BCAM: variants seen among roughly 807,000 people sequenced by gnomAD.
BCAM encodes the protein basal cell adhesion molecule.
In BCAM, 61 loss-of-function variants were observed where a neutral mutation model predicts 72.4. The observed-to-expected ratio is 0.84, with a 90% CI of 0.69 to 1.04. BCAM has a LOEUF of 1.04. Ranked by LOEUF, BCAM falls within the 50% of genes least tolerant of loss-of-function variation. The probability of loss-of-function intolerance (pLI) is 0.00; values close to 1 mark genes in which losing one functional copy is unlikely to be tolerated. For synonymous variants in BCAM, 408 were observed against 384.2 expected (o/e 1.06, Z -0.73); for missense variants, 909 against 895.0 (o/e 1.02, Z -0.20).
At position 44,813,281 on chromosome 19, in the gene BCAM, C is replaced by A; in HGVS notation, c.536C>A (p.Pro179Gln). ...ACCTGCAACAGCCGGAACGGGAACC[C>A]GGCCCCCAAGATCACGTGGTATCGC... Reference protein sequence around the residue: ...IATCNSRNGNPAPKITWYRNG... With the variant: ...IATCNSRNGNQAPKITWYRNG... Residue 179 changes from proline (P) to glutamine (Q), a missense_variant, in exon 5 of 15, where the codon CCG becomes CAG. Coordinates refer to ENST00000270233, the MANE Select transcript of BCAM (RefSeq NM_005581.5). The surrounding 1 kb of genome is among the most constrained non-coding windows in gnomAD (Gnocchi z 4.2). 6.2e-7 allele frequency: 1 copy of A among 1,614,122 alleles called. No homozygotes were observed. Among genetic ancestry groups the A allele is most frequent in the Non-Finnish European group, 8.5e-7 (1 of 1,180,016 alleles).
rs1427461493 is a variant in BCAM at position 44,813,205 on chromosome 19, A to G, written c.505-45A>G. On this transcript the variant is annotated intron_variant, in intron 4 of 14. Transcript: ENST00000270233. The surrounding 1 kb of genome is among the most constrained non-coding windows in gnomAD (Gnocchi z 4.2). ...CTCCTGAGAGAGGAGCCCCGACTTCAGAGTCCCAGCTCCAAGCCCAGGGCC... is the reference window on the plus strand; with the variant it reads ...CTCCTGAGAGAGGAGCCCCGACTTCGGAGTCCCAGCTCCAAGCCCAGGGCC... The G allele has an allele frequency of 3.8e-6, 6 of 1,599,468 alleles. No individual in the cohort carries two copies. Among genetic ancestry groups the G allele is most frequent in the Non-Finnish European group, 5.1e-6 (6 of 1,169,964 alleles).
chr19:44,818,610 G>A lies in BCAM; in HGVS notation c.1167G>A (p.Leu389=), dbSNP rs767791090. ...TCGTGAACTGCTCCGTGCACGGCCT[G>A]CCCACCCCTGCCCTACGCTGGACCA... ...SAVVNCSVHG[L]PTPALRWTKD... The change falls in exon 9 of 15, where the codon CTG becomes CTA. Residue 389 remains leucine, a synonymous_variant. Coordinates refer to ENST00000270233, the MANE Select transcript of BCAM (RefSeq NM_005581.5). The surrounding 1 kb of genome is among the most constrained non-coding windows in gnomAD (Gnocchi z 4.6). 1.9e-6 allele frequency: 3 copies of A among 1,613,914 alleles called. No individual in the cohort carries two copies. Among genetic ancestry groups the A allele is most frequent in the Non-Finnish European group, 1.7e-6 (2 of 1,179,900 alleles).
At chr19:44,815,713 G>A (rs1968495790) in intron 8 of BCAM, among the ~76,000 whole-genome samples, 1 of 152,096 alleles carries the variant, frequency 6.6e-6, no homozygotes, top group Non-Finnish European at 1.5e-5. Flanking sequence ...GAAGTCTAAG[G>A]AAGGTCTCAG....
At chr19:44,819,303 C>T in intron 11 of BCAM, 43 bp from the exon 12 acceptor site, 1 of 1,613,032 alleles carries the variant, frequency 6.2e-7, no homozygotes, top group South Asian at 1.1e-5. Context: ...CTTGACCCCA[C>T]CCCTTGACCC....
In BCAM at chr19:44,814,212, G is replaced by A. The variant is rs9967601; in HGVS notation, c.845G>A (p.Arg282His). ...CCGTCCACCCCAGCAGGCTGGGTACGCGAGGGTGACACTGTCCAGCTGCTC... is the reference window on the plus strand; with the variant it reads ...CCGTCCACCCCAGCAGGCTGGGTACACGAGGGTGACACTGTCCAGCTGCTC... Reference protein sequence around the residue: ...GSPSTPAGWVREGDTVQLLCR... With the variant: ...GSPSTPAGWVHEGDTVQLLCR... Residue 282 changes from arginine to histidine, a missense_variant, in exon 7 of 15, where the codon CGC (arginine) becomes CAC (histidine). By Grantham distance (29) the Arg-to-His change is conservative (BLOSUM62 0). Transcript: ENST00000270233. The surrounding 1 kb of genome is among the most constrained non-coding windows in gnomAD (Gnocchi z 4.6). 1,049 of 1,585,780 alleles carry A rather than the reference G, an allele frequency of 6.6e-4. 12 individuals are homozygous for A. In the African/African-American group the frequency reaches 0.012, roughly 19 times the overall value.
In BCAM at chr19:44,813,524, G is replaced by T; in HGVS notation, c.688G>T (p.Asp230Tyr). Reference sequence around the variant, plus strand: ...CCTCTACCTGCGGCTCCGCAAGGATGACCGAGACGCCAGCTTCCACTGCGC... The same window carrying T: ...CCTCTACCTGCGGCTCCGCAAGGATTACCGAGACGCCAGCTTCCACTGCGC... ...STLYLRLRKD[D>Y]RDASFHCAAH... Residue 230 changes from aspartate to tyrosine, a missense_variant, in exon 6 of 15, where the codon GAC becomes TAC. Physicochemically the swap from Asp to Tyr is radical, Grantham distance 160. Transcript: ENST00000270233. This position sits in a 1 kb window ranked among gnomAD's most constrained non-coding sequence, Gnocchi z 4.2. 1 of 1,612,650 alleles carries T rather than the reference G, an allele frequency of 6.2e-7. No individual in the cohort carries two copies.
chr19:44,821,234 G>A lies in BCAM; in HGVS notation c.*313G>A, dbSNP rs1202377309. On this transcript the variant is annotated 3_prime_UTR_variant, in exon 15 of 15. Coordinates refer to ENST00000270233, the MANE Select transcript of BCAM (RefSeq NM_005581.5). The stretch of plus-strand genomic sequence containing the variant: ...CAAGGCTCCGAGGGTCGGCTGGCCG[G>A]AGCTATTTTTACCTCCCGCCTCCCC... 5.6e-6 allele frequency: 2 copies of A among 355,162 alleles called. No homozygotes were observed. The highest frequency in any genetic ancestry group is 1.0e-5 in the Non-Finnish European group (2 of 197,452). 22.0% of individuals were successfully genotyped at this position (355,162 alleles called of 1,614,324 possible).
chr19:44,811,997 T>C, intron 2 of BCAM, 166 bp from the exon 3 acceptor site: 4 of 668,934 alleles, frequency 6.0e-6, no homozygotes, highest in East Asian at 5.7e-5. Flanking sequence ...CAAGAACTGA[T>C]AGGGAATGGG....
intron 2 of BCAM, 128 bp downstream of exon 2, chr19:44,811,474 G>A: frequency 6.8e-7 from 1 of 1,476,210 alleles, no homozygotes; most frequent in Non-Finnish European, 9.2e-7. Context: ...TGGGGTCACT[G>A]AGTCCCACTG....
chr19:44,809,158 G>C lies in BCAM; in HGVS notation c.34G>C (p.Gly12Arg). 2 of 1,472,566 alleles carry C rather than the reference G, an allele frequency of 1.4e-6. No individual in the cohort carries two copies. The highest frequency in any genetic ancestry group is 1.8e-6 in the Non-Finnish European group (2 of 1,115,110). 91.2% of individuals were successfully genotyped at this position (1,472,566 alleles called of 1,614,324 possible). A position where few individuals can be genotyped will look rare whatever the true frequency, so the allele number is the denominator to read the frequency against. The change falls in exon 1 of 15, where the codon GGG becomes CGG. Residue 12 changes from glycine to arginine, a missense_variant. Gly to Arg is a moderately radical substitution (Grantham distance 125). Coordinates refer to ENST00000270233, the MANE Select transcript of BCAM (RefSeq NM_005581.5). ...EPPDAPAQAR[G>R]APRLLLLAVL... ...CCCGGACGCACCGGCCCAGGCGCGCGGGGCCCCGCGGCTGCTGTTGCTCGC... is the reference window on the plus strand; with the variant it reads ...CCCGGACGCACCGGCCCAGGCGCGCCGGGCCCCGCGGCTGCTGTTGCTCGC...
At position 44,813,597 on chromosome 19, in the gene BCAM, C is replaced by T; in HGVS notation, c.761C>T (p.Pro254Leu). Residue 254 changes from proline (P) to leucine (L), a missense_variant, in exon 6 of 15, where the codon CCC (proline) becomes CTC (leucine). Coordinates refer to ENST00000270233, the MANE Select transcript of BCAM (RefSeq NM_005581.5). This position sits in a 1 kb window ranked among gnomAD's most constrained non-coding sequence, Gnocchi z 4.2. ...PEGRHGRLDSPTFHLTLHYPT... is the reference protein window; with the variant it reads ...PEGRHGRLDSLTFHLTLHYPT... Reference sequence around the variant, plus strand: ...GGCCGCCACGGCCGCCTGGACAGCCCCACCTTCCACCTCACCCTGCACTGT... The same window carrying T: ...GGCCGCCACGGCCGCCTGGACAGCCTCACCTTCCACCTCACCCTGCACTGT... 1 of 1,612,460 alleles carries T rather than the reference C, an allele frequency of 6.2e-7. No homozygotes were observed. Among genetic ancestry groups the T allele is most frequent in the Non-Finnish European group, 8.5e-7 (1 of 1,179,832 alleles).
rs1213874880 is a variant in BCAM, at chr19:44,819,041, C to T, written c.1337-15C>T. 1.2e-6 allele frequency: 2 copies of T among 1,612,952 alleles called. No homozygotes were observed. The highest frequency in any genetic ancestry group is 8.5e-7 in the Non-Finnish European group (1 of 1,179,298). On this transcript the variant is annotated splice_polypyrimidine_tract_variant and intron_variant, in intron 10 of 14. Transcript: ENST00000270233. ...TCCTCTCCCTTCACTTTCTTCCCAT[C>T]CCCACCACCCACAGGCTCGCCAGAG...
Position 44,811,252 on chromosome 19 carries a change from T to C in BCAM, c.110T>C (p.Val37Ala). The C allele has an allele frequency of 1.9e-6, 3 of 1,612,652 alleles. No individual in the cohort carries two copies. Among genetic ancestry groups the C allele is most frequent in the South Asian group, 2.2e-5 (2 of 91,030 alleles). Residue 37 changes from valine (V) to alanine (A), a missense_variant, in exon 2 of 15, where the codon GTA (valine) becomes GCA (alanine). Physicochemically the swap from Val to Ala is moderately conservative, Grantham distance 64. Coordinates refer to ENST00000270233, the MANE Select transcript of BCAM (RefSeq NM_005581.5). Reference sequence around the variant, plus strand: ...GCCCAGGCGGAGGTGCGCTTGTCTGTACCCCCGCTGGTGGAGGTGATGCGA... The same window carrying C: ...GCCCAGGCGGAGGTGCGCTTGTCTGCACCCCCGCTGGTGGAGGTGATGCGA... ...PDAQAEVRLS[V>A]PPLVEVMRGK...
At chr19:44,811,759 C>T (rs1319856307) in intron 2 of BCAM, 8 of 316,858 alleles carry the variant, frequency 2.5e-5, no homozygotes, top group South Asian at 7.0e-5. Flanking sequence ...ATGGCATGTG[C>T]CTGTAATCCC....
Position 44,812,430 on chromosome 19 carries a change from G to A in BCAM, c.433+39G>A. ...GGCATCCCCCGAAGGGAGGCAGGCA[G>A]GGAGGGGCGCAGGGCAGGGGCTCCT... On this transcript the variant is annotated intron_variant, in intron 3 of 14. Coordinates refer to ENST00000270233, the MANE Select transcript of BCAM (RefSeq NM_005581.5). This position sits in a 1 kb window ranked among gnomAD's most constrained non-coding sequence, Gnocchi z 5.3. 6.2e-7 allele frequency: 1 copy of A among 1,614,184 alleles called. No individual in the cohort carries two copies. Among genetic ancestry groups the A allele is most frequent in the Non-Finnish European group, 8.5e-7 (1 of 1,179,998 alleles).
At chr19:44,819,957 A>AC in intron 13 of BCAM, 1 of 1,340,846 alleles carries the variant, frequency 7.5e-7, no homozygotes, top group Non-Finnish European at 9.6e-7. Context: ...CCCAAACCCA[A>AC]CCCAGGGCCA....
Position 44,811,504 on chromosome 19 carries a change from G to A in BCAM, c.204+158G>A. 3 of 1,275,272 alleles carry A rather than the reference G, an allele frequency of 2.4e-6. No homozygotes were observed. The South Asian group carries it at 4.1e-5, about 17-fold the overall frequency. 79.0% of individuals were successfully genotyped at this position (1,275,272 alleles called of 1,614,324 possible). ...CCACTGAGGGGAAGGGATCTGCAAG[G>A]TGCCCCGTGTCTAGGCACAGCCAAG... is the stretch of plus-strand genomic sequence containing the variant. On this transcript the variant is annotated intron_variant, in intron 2 of 14. Coordinates refer to ENST00000270233, the MANE Select transcript of BCAM (RefSeq NM_005581.5).
Position 44,820,706 on chromosome 19 carries a change from C to T in BCAM, c.1765C>T (p.Pro589Ser). 2 of 1,402,798 alleles carry T rather than the reference C, an allele frequency of 1.4e-6. No homozygotes were observed. The highest frequency in any genetic ancestry group is 2.7e-5 in the East Asian group (1 of 36,654). The allele number at this position is 1,402,798 out of a possible 1,614,324, so 86.9% of individuals were successfully genotyped here. ...CRQRREKGAP[P>S]PGEPGLSHSG... ...CCGCCCGCTGCCTCCTCCCCCCAGG[C>T]CGCCAGGGGAGCCAGGGCTGAGCCA... is the stretch of plus-strand genomic sequence containing the variant. Residue 589 changes from proline (P) to serine (S), a missense_variant and splice_region_variant, in exon 14 of 15, where the codon CCG (proline) becomes TCG (serine). Transcript: ENST00000270233.
At position 44,812,282 on chromosome 19, in the gene BCAM, G is replaced by A. The variant is rs3745159; in HGVS notation, c.324G>A (p.Gly108=). ...RSPPYQLDSQ[G]RLVLAEAQVG... Reference sequence around the variant, plus strand: ...CCCCATACCAGCTGGACTCCCAGGGGCGCCTGGTGCTGGCTGAGGCCCAGG... The same window carrying A: ...CCCCATACCAGCTGGACTCCCAGGGACGCCTGGTGCTGGCTGAGGCCCAGG... Residue 108 remains glycine (G), a synonymous_variant, in exon 3 of 15, where the codon GGG becomes GGA. Coordinates refer to ENST00000270233, the MANE Select transcript of BCAM (RefSeq NM_005581.5). The surrounding 1 kb of genome is among the most constrained non-coding windows in gnomAD (Gnocchi z 5.3). The A allele has an allele frequency of 0.011, 18,237 of 1,611,326 alleles. 654 individuals are homozygous for A. The highest frequency in any genetic ancestry group is 0.11 in the East Asian group (4,989 of 44,790).
Sources: gnomAD v4.1 joint callset for allele counts (sites outside exome capture counted in the v4.1 genomes callset) on GRCh38, gnomAD v4.1.1 for gene constraint, Gnocchi (gnomAD v3.1) non-coding constraint, MANE v1.5 for transcripts, NCBI Gene and HGNC (gene_info 2026-07-23, HGNC 2026-07-21) for gene names.